Variants in EXOC4 observed in about 807,000 individuals in gnomAD.
EXOC4 encodes exocyst complex component 4, also known as SEC8-like 1.
EXOC4 carries 71 observed loss-of-function variants against 107.2 expected under a neutral mutation model. The ratio of observed to expected loss-of-function variants is 0.66; its 90% confidence interval spans 0.55 to 0.81. EXOC4 has a LOEUF of 0.81. Ranked by LOEUF, EXOC4 falls within the 30% of genes least tolerant of loss-of-function variation. The pLI is 0.00. For missense variants in EXOC4, 1,108 were observed against 1,189.6 expected (o/e 0.93, Z 1.01); for synonymous variants, 456 against 441.2 (o/e 1.03, Z -0.42).
At chr7:134,066,484 G>C (rs1288156525), downstream of EXOC4, 1 of 152,146 alleles carries the variant, frequency 6.6e-6, no homozygotes, top group Non-Finnish European at 1.5e-5. Flanking sequence ...TTACAATGAC[G>C]GGACTGAAAA....
Position 133,291,534 on chromosome 7 carries a change from A to AC in EXOC4, c.471+2420dup, listed in dbSNP as rs1480557197. On this transcript the variant is annotated intron_variant, in intron 3 of 17. Transcript: ENST00000253861. The stretch of plus-strand genomic sequence containing the variant: ...GTACCTGGGATTACAGGTGTGTGCC[A>AC]CCACACCTGGCTAATTTTTGCATTT... Among the ~76,000 whole-genome samples, 3 of 151,912 alleles carry AC rather than the reference A, an allele frequency of 2.0e-5. No homozygotes were observed. The East Asian group carries it at 5.8e-4, about 30-fold the overall frequency.
chr7:133,712,645 C>T (rs1794919480), intron 10 of EXOC4, among the ~76,000 whole-genome samples: 2 of 151,904 alleles, frequency 1.3e-5, no homozygotes, highest in African/African-American at 2.4e-5. Context: ...CAAACAAGTA[C>T]ATATACACAC....
intron 3 of EXOC4, among the ~76,000 whole-genome samples, chr7:133,302,496 A>G (rs564977043): frequency 4.6e-5 from 7 of 152,346 alleles, no homozygotes; most frequent in Non-Finnish European, 1.0e-4. Context: ...TCATTATTAT[A>G]TAGTAATCTA....
rs538489001 is a variant in EXOC4, at chr7:133,475,926, T to A, written c.1328+453T>A. 1.1e-3 allele frequency among the ~76,000 whole-genome samples: 171 copies of A among 152,282 alleles called. 1 individual carries two copies. The highest frequency in any genetic ancestry group is 2.9e-3 in the East Asian group (15 of 5,188). On this transcript the variant is annotated intron_variant, in intron 8 of 17. Transcript: ENST00000253861. The stretch of plus-strand genomic sequence containing the variant: ...TAAAAGAACAATCTGGGTTTTTTTT[T>A]ATCTAATTATAACCTTAGTTAACTC...
chr7:133,276,680 C>T (rs1395948765), intron 2 of EXOC4, among the ~76,000 whole-genome samples: 3 of 152,074 alleles, frequency 2.0e-5, no homozygotes, highest in Non-Finnish European at 2.9e-5. Flanking sequence ...CTGAGTGATG[C>T]ATAGACTATG....
intron 9 of EXOC4, among the ~76,000 whole-genome samples, chr7:133,526,011 C>T (rs751027598): frequency 6.6e-6 from 1 of 152,128 alleles, no homozygotes; most frequent in Admixed American, 6.5e-5. Flanking sequence ...AGAGAGACTG[C>T]GATTTGCCTT....
intron 14 of EXOC4, among the ~76,000 whole-genome samples, chr7:133,971,361 T>G (rs2953627): frequency 0.048 from 3,622 of 74,736 alleles, 125 homozygotes; most frequent in Non-Finnish European, 0.063. Context: ...TATATATATA[T>G]AGAGAGAGAG....
intron 1 of EXOC4, among the ~76,000 whole-genome samples, chr7:133,269,712 G>C (rs547149464): frequency 2.0e-5 from 3 of 152,160 alleles, no homozygotes; most frequent in African/African-American, 7.2e-5. Context: ...TTTAAAAATG[G>C]AATGTAGTTT....
intron 7 of EXOC4, among the ~76,000 whole-genome samples, chr7:133,438,482 TG>T (rs937321548): frequency 2.6e-5 from 4 of 152,176 alleles, no homozygotes; most frequent in African/African-American, 9.7e-5. Flanking sequence ...TTGCCTCCAA[TG>T]GGGGTTGTTA....
intron 10 of EXOC4, among the ~76,000 whole-genome samples, chr7:133,738,920 A>G (rs1293622611): frequency 6.6e-6 from 1 of 152,178 alleles, no homozygotes; most frequent in Non-Finnish European, 1.5e-5. Flanking sequence ...ATACACTTAT[A>G]AAATAGATGG....
At position 133,356,325 on chromosome 7, in the gene EXOC4, T is replaced by G. The variant is rs1340688152; in HGVS notation, c.764-5T>G. ...ATCTATTATTGTTATTATTTAATTT[T>G]TCAGTGAGGGAGATAAATCTGCAGG... On this transcript the variant is annotated splice_region_variant and splice_polypyrimidine_tract_variant and intron_variant, in intron 5 of 17. Coordinates refer to ENST00000253861, the MANE Select transcript of EXOC4 (RefSeq NM_021807.4). The G allele has an allele frequency of 6.2e-7, 1 of 1,612,996 alleles. No individual in the cohort carries two copies.
At chr7:133,941,394 A>G (rs561381151) in intron 14 of EXOC4, among the ~76,000 whole-genome samples, 1 of 152,350 alleles carries the variant, frequency 6.6e-6, no homozygotes, top group East Asian at 1.9e-4. Context: ...AGAAGAAAGT[A>G]GAGAAAAAAG....
intron 9 of EXOC4, among the ~76,000 whole-genome samples, chr7:133,615,311 G>A (rs1198322882): frequency 1.3e-5 from 2 of 151,864 alleles, no homozygotes; most frequent in Admixed American, 1.3e-4. Flanking sequence ...GAAAACGAGG[G>A]TGATTTATTT....
At chr7:133,752,780 A>G (rs1795821736) in intron 10 of EXOC4, among the ~76,000 whole-genome samples, 1 of 152,220 alleles carries the variant, frequency 6.6e-6, no homozygotes, top group African/African-American at 2.4e-5. Context: ...CAACGTGTAA[A>G]TGTTAACTTA....
At chr7:133,766,757 A>G (rs1193756157) in intron 10 of EXOC4, among the ~76,000 whole-genome samples, 2 of 151,960 alleles carry the variant, frequency 1.3e-5, no homozygotes, top group African/African-American at 4.8e-5. Flanking sequence ...TGGGTCTAAT[A>G]TATTCTCTGA....
intron 11 of EXOC4, among the ~76,000 whole-genome samples, chr7:133,840,487 T>C (rs1020780157): frequency 6.6e-6 from 1 of 151,960 alleles, no homozygotes; most frequent in African/African-American, 2.4e-5. Context: ...TATTATTTTT[T>C]ATTGTATTTT....
intron 5 of EXOC4, among the ~76,000 whole-genome samples, chr7:133,318,879 A>G (rs1490810289): frequency 6.6e-6 from 1 of 152,180 alleles, no homozygotes; most frequent in Non-Finnish European, 1.5e-5. Flanking sequence ...GATACTTTAC[A>G]ATAGTTTGTA....
chr7:133,483,915 G>T, intron 9 of EXOC4: 1 of 961,088 alleles, frequency 1.0e-6, no homozygotes, highest in South Asian at 1.3e-5. Flanking sequence ...AGGCATAATT[G>T]AATAGTTCAG....
intron 9 of EXOC4, among the ~76,000 whole-genome samples, chr7:133,500,202 G>A (rs1299555430): frequency 6.6e-6 from 1 of 151,920 alleles, no homozygotes; most frequent in Non-Finnish European, 1.5e-5. Flanking sequence ...GATGAGTTTT[G>A]GAGGATATAT....
Sources: allele counts gnomAD v4.1 joint callset (sites outside exome capture counted in the v4.1 genomes callset), GRCh38; gene constraint gnomAD v4.1.1; transcripts MANE v1.5; gene names NCBI Gene and HGNC (gene_info 2026-07-23, HGNC 2026-07-21).